The following THSD7B variants were observed in gnomAD, a reference collection of about 807,000 sequenced individuals.
THSD7B encodes thrombospondin type-1 domain-containing protein 7B.
Under a neutral mutation model 213.6 loss-of-function variants are expected in THSD7B, and 138 were observed. That is an observed-to-expected ratio of 0.65 (90% CI 0.56 to 0.74). The LOEUF (loss-of-function observed/expected upper bound fraction) is 0.74, where lower values mean the gene tolerates loss of function less well. Among genes scored for constraint, THSD7B ranks in the 30% least tolerant of loss-of-function variants. The probability of loss-of-function intolerance (pLI) is 0.00; values close to 1 mark genes in which losing one functional copy is unlikely to be tolerated. For missense variants in THSD7B, 1,931 were observed against 1,991.5 expected (o/e 0.97, Z 0.58); for synonymous variants, 742 against 687.0 (o/e 1.08, Z -1.25).
chr2:137,395,766 G>A (rs1264318651), intron 12 of THSD7B, among the ~76,000 whole-genome samples: 1 of 151,834 alleles, frequency 6.6e-6, no homozygotes, highest in African/African-American at 2.4e-5. Context: ...ACCTCTGATA[G>A]AATTCAGCTG....
At chr2:136,976,037 G>T (rs1019802224) in intron 2 of THSD7B, among the ~76,000 whole-genome samples, 5 of 152,148 alleles carry the variant, frequency 3.3e-5, no homozygotes, top group African/African-American at 1.2e-4. Context: ...CCTTGATTTT[G>T]TATCCTGAGA....
At chr2:137,362,414 C>A (rs559042336) in intron 12 of THSD7B, among the ~76,000 whole-genome samples, 99 of 152,182 alleles carry the variant, frequency 6.5e-4, no homozygotes, top group African/African-American at 2.3e-3. Flanking sequence ...GGGCTAAATG[C>A]CCCAGTTAAA....
chr2:136,848,470 A>G (rs1683045784), intron 1 of THSD7B, among the ~76,000 whole-genome samples: 1 of 152,172 alleles, frequency 6.6e-6, no homozygotes, highest in Admixed American at 6.6e-5. Flanking sequence ...TGGAGATTTG[A>G]AAACTAGCAA....
chr2:137,315,039 T>C (rs571802110), intron 12 of THSD7B, among the ~76,000 whole-genome samples: 1 of 152,340 alleles, frequency 6.6e-6, no homozygotes, highest in South Asian at 2.1e-4. Context: ...CTCCACCCAG[T>C]TCGAGCTTCC....
intron 3 of THSD7B, among the ~76,000 whole-genome samples, chr2:137,085,677 C>T (rs1042798312): frequency 2.0e-5 from 3 of 151,862 alleles, no homozygotes; most frequent in African/African-American, 7.3e-5. Context: ...AAAGGAGGAC[C>T]TGTAAAACAC....
Position 137,182,180 on chromosome 2 carries a change from T to G in THSD7B, c.1723+11242T>G, listed in dbSNP as rs72989752. ...TATAACTACCTCTTTAGAGAAATAC[T>G]AAGGCATATGGGCATTTGTTTATTG... On this transcript the variant is annotated intron_variant, in intron 7 of 27. Transcript: ENST00000409968. Among the ~76,000 whole-genome samples the G allele has an allele frequency of 2.6e-3, 392 of 152,286 alleles. 4 individuals are homozygous for G. The highest frequency in any genetic ancestry group is 9.1e-3 in the African/African-American group (380 of 41,576).
rs1038688929 is a variant in THSD7B at position 137,115,256 on chromosome 2, G to C, written c.1332G>C (p.Gln444His). 1.2e-6 allele frequency: 2 copies of C among 1,605,534 alleles called. No individual in the cohort carries two copies. Among genetic ancestry groups the C allele is most frequent in the Non-Finnish European group, 1.7e-6 (2 of 1,176,240 alleles). The change falls in exon 5 of 28, where the codon CAG becomes CAC. Residue 444 changes from glutamine (Q) to histidine (H), a missense_variant. Physicochemically the swap from Gln to His is conservative, Grantham distance 24. Coordinates refer to ENST00000409968, the MANE Select transcript of THSD7B (RefSeq NM_001316349.2). The stretch of plus-strand genomic sequence containing the variant: ...AGACCCGGGAGGTGTACTGTGCCCA[G>C]AGCGTACCAGCAGCTGCCGCACTGA... Reference protein sequence around the residue: ...GIQTREVYCAQSVPAAAALRA... With the variant: ...GIQTREVYCAHSVPAAAALRA...
intron 2 of THSD7B, among the ~76,000 whole-genome samples, chr2:137,018,970 G>A (rs1362749759): frequency 1.3e-5 from 2 of 152,036 alleles, no homozygotes; most frequent in African/African-American, 4.8e-5. Context: ...CATAATCTCA[G>A]TTGGCTAAAG....
At chr2:137,160,615 CTTTTGTTTTG>C (rs569605637) in intron 6 of THSD7B, among the ~76,000 whole-genome samples, 1 of 152,062 alleles carries the variant, frequency 6.6e-6, no homozygotes, top group Non-Finnish European at 1.5e-5. Flanking sequence ...ATAACTTCAT[CTTTTGTTTTG>C]TTTTGTTTTG....
At chr2:137,429,314 T>C (rs1003720864) in intron 14 of THSD7B, among the ~76,000 whole-genome samples, 18 of 152,232 alleles carry the variant, frequency 1.2e-4, no homozygotes, top group African/African-American at 3.9e-4. Flanking sequence ...ATGTGAATTA[T>C]ATCTCAGTAA....
At chr2:137,665,817 G>C (rs1683435484) in intron 26 of THSD7B, among the ~76,000 whole-genome samples, 1 of 152,144 alleles carries the variant, frequency 6.6e-6, no homozygotes, top group Admixed American at 6.6e-5. Context: ...ATACTAAGAA[G>C]AGGTAGACCT....
chr2:137,157,258 G>A (rs1679926658), intron 5 of THSD7B, among the ~76,000 whole-genome samples: 2 of 152,184 alleles, frequency 1.3e-5, no homozygotes, highest in South Asian at 4.1e-4. Context: ...GATTCATTGT[G>A]AGCTGGTGCC....
chr2:137,056,962 G>GCTC lies in THSD7B; in HGVS notation c.684_686dup (p.Pro229dup). The GCTC allele has an allele frequency of 6.2e-7, 1 of 1,613,900 alleles. No individual in the cohort carries two copies. The highest frequency in any genetic ancestry group is 2.2e-5 in the East Asian group (1 of 44,868). On this transcript the variant is annotated inframe_insertion, in exon 3 of 28. Transcript: ENST00000409968. ...TCTGACTGAGTCAAGAGCCTGTGATGCTCCCATTTCCTGTCCTCTTGGGGA... is the reference window on the plus strand; with the variant it reads ...TCTGACTGAGTCAAGAGCCTGTGATGCTCCTCCCATTTCCTGTCCTCTTGGGGA...
chr2:137,615,625 G>T lies in THSD7B; in HGVS notation c.3424-550G>T, dbSNP rs192887407. Among the ~76,000 whole-genome samples the T allele has an allele frequency of 3.9e-5, 6 of 152,312 alleles. No homozygotes were observed. In the East Asian group the frequency reaches 5.8e-4, roughly 15 times the overall value. ...GCCAGAAGGGCAACAGCATGCAGTT[G>T]TCCATGCTCTGTGGACCAAAGGCAT... On this transcript the variant is annotated intron_variant, in intron 17 of 27. Coordinates refer to ENST00000409968, the MANE Select transcript of THSD7B (RefSeq NM_001316349.2).
rs1683477795 is a variant in THSD7B at position 137,667,772 on chromosome 2, A to G, written c.4652-2A>G. 6.2e-7 allele frequency: 1 copy of G among 1,600,488 alleles called. No homozygotes were observed. Among genetic ancestry groups the G allele is most frequent in the South Asian group, 1.1e-5 (1 of 88,668 alleles). On this transcript the variant is annotated splice_acceptor_variant, in intron 26 of 27. Coordinates refer to ENST00000409968, the MANE Select transcript of THSD7B (RefSeq NM_001316349.2). LOFTEE classifies it high-confidence loss of function. ...TTCTTATGTTATCTCTATTTTAAACAGATGGCCGAGTAAAAATTTGGGTTT... is the reference window on the plus strand; with the variant it reads ...TTCTTATGTTATCTCTATTTTAAACGGATGGCCGAGTAAAAATTTGGGTTT...
At chr2:137,086,671 A>G (rs959817376) in intron 3 of THSD7B, among the ~76,000 whole-genome samples, 1 of 152,184 alleles carries the variant, frequency 6.6e-6, no homozygotes, top group South Asian at 2.1e-4. Context: ...ACTCTACGAC[A>G]ATGGTCAAAC....
chr2:137,508,282 C>T (rs989497741), intron 15 of THSD7B, among the ~76,000 whole-genome samples: 4 of 152,030 alleles, frequency 2.6e-5, no homozygotes, highest in South Asian at 4.2e-4. Context: ...GCTCTGTTGC[C>T]CAGGCTGGAG....
intron 1 of THSD7B, among the ~76,000 whole-genome samples, chr2:136,814,549 C>T (rs1454840339): frequency 2.0e-5 from 3 of 152,056 alleles, no homozygotes; most frequent in African/African-American, 7.2e-5. Flanking sequence ...CAGGCGCCTG[C>T]CACCACGCCT....
At chr2:136,845,185 C>T (rs1573665890) in intron 1 of THSD7B, among the ~76,000 whole-genome samples, 1 of 152,250 alleles carries the variant, frequency 6.6e-6, no homozygotes, top group East Asian at 1.9e-4. Flanking sequence ...GACTGTTGTG[C>T]ATTGGAGCAT....
Sources: allele counts gnomAD v4.1 joint callset (sites outside exome capture counted in the v4.1 genomes callset), GRCh38; gene constraint gnomAD v4.1.1; transcripts MANE v1.5; gene names NCBI Gene and HGNC (gene_info 2026-07-23, HGNC 2026-07-21).